SPON2: variants seen among roughly 807,000 people sequenced by gnomAD.
The protein encoded by SPON2 is spondin 2.
Under a neutral mutation model 29.9 loss-of-function variants are expected in SPON2, and 32 were observed. The observed-to-expected ratio is 1.07, with a 90% confidence interval of 0.81 to 1.44. SPON2 has a LOEUF of 1.44. Ranked by LOEUF, SPON2 falls within the 40% of genes most tolerant of loss-of-function variation. The pLI, the probability that SPON2 is intolerant of heterozygous loss-of-function variation, is 0.00. For synonymous variants in SPON2, 248 were observed against 209.1 expected (o/e 1.19, Z -1.61); for missense variants, 541 against 455.5 (o/e 1.19, Z -1.71).
At chr4:1,206,445 A>C (rs1728345414) in intron 1 of SPON2, among the ~76,000 whole-genome samples, 1 of 152,218 alleles carries the variant, frequency 6.6e-6, no homozygotes, top group South Asian at 2.1e-4. Context: ...GTGGGGCCAG[A>C]GGGCCACGCT....
intron 5 of SPON2, among the ~76,000 whole-genome samples, chr4:1,169,233 C>G (rs1401627820): frequency 6.6e-6 from 1 of 152,120 alleles, no homozygotes; most frequent in East Asian, 2.0e-4. Flanking sequence ...CCTCTGCCCA[C>G]GAGGGGCTCT....
In SPON2 at chr4:1,167,473, T is replaced by C; in HGVS notation, c.995A>G (p.Ter332=). Residue 332 remains the stop codon, a stop_retained_variant, in exon 6 of 6, where the codon TAA becomes TGA. Transcript: ENST00000290902. ...EAECVPDNCV[*] ...CCCAGGGGCTGCGGGGCTCTGGTCT[T>C]AGACGCAGTTATCAGGGACGCACTC... The C allele has an allele frequency of 2.5e-6, 4 of 1,612,694 alleles. No homozygotes were observed. Among genetic ancestry groups the C allele is most frequent in the South Asian group, 1.1e-5 (1 of 90,944 alleles).
intron 1 of SPON2, among the ~76,000 whole-genome samples, chr4:1,183,099 G>C (rs1417656607): frequency 6.6e-6 from 1 of 152,036 alleles, no homozygotes; most frequent in Non-Finnish European, 1.5e-5. Context: ...AAATTAGCTG[G>C]GTGTGGTGGT....
chr4:1,170,945 C>T, intron 4 of SPON2, 54 bp downstream of exon 4: 2 of 1,541,798 alleles, frequency 1.3e-6, no homozygotes, highest in Non-Finnish European at 1.8e-6. Context: ...GCCCCAGCCC[C>T]GTCCCCACCG....
chr4:1,206,706 C>T (rs557726276), intron 1 of SPON2, among the ~76,000 whole-genome samples: 24 of 152,272 alleles, frequency 1.6e-4, no homozygotes, highest in African/African-American at 5.5e-4. Context: ...GGTAGGGAAG[C>T]GGCCTTGCCC....
At position 1,202,059 on chromosome 4, in the gene SPON2, T is replaced by C. The variant is rs1445158756; in HGVS notation, c.-234+5821A>G. 6.6e-6 allele frequency among the ~76,000 whole-genome samples: 1 copy of C among 152,164 alleles called. No homozygotes were observed. The highest frequency in any genetic ancestry group is 3.2e-3 in the Middle Eastern group (1 of 316). On this transcript the variant is annotated intron_variant, in intron 1 of 3. Coordinates refer to the SPON2 transcript ENST00000509233. This position sits in a 1 kb window ranked among gnomAD's most constrained non-coding sequence, Gnocchi z 5.4. The stretch of plus-strand genomic sequence containing the variant: ...CCCACTCATCTCACTCCGGAACACG[T>C]TCATCATCCGCAGAAGACGTCCTGT...
intron 1 of SPON2, among the ~76,000 whole-genome samples, chr4:1,189,250 A>G (rs774069056): frequency 2.6e-5 from 4 of 152,112 alleles, no homozygotes; most frequent in Non-Finnish European, 5.9e-5. Flanking sequence ...TCAATAACCC[A>G]ACCTTCCACC....
At chr4:1,189,651 A>AG (rs946790511) in intron 1 of SPON2, among the ~76,000 whole-genome samples, 1 of 148,364 alleles carries the variant, frequency 6.7e-6, no homozygotes, top group African/African-American at 2.5e-5. Flanking sequence ...AAAAAAAAAA[A>AG]AAAAAAAGAA....
At chr4:1,201,031 G>T (rs1392066165) in intron 1 of SPON2, 1 of 455,478 alleles carries the variant, frequency 2.2e-6, no homozygotes. Flanking sequence ...CCTGGTCTGG[G>T]CTGAGGCTTC....
Position 1,202,826 on chromosome 4 carries a change from G to A in SPON2, c.-234+5054C>T, listed in dbSNP as rs545951227. 3.4e-4 allele frequency among the ~76,000 whole-genome samples: 52 copies of A among 152,290 alleles called. 1 individual carries two copies. The highest frequency in any genetic ancestry group is 1.1e-3 in the African/African-American group (46 of 41,560). On this transcript the variant is annotated intron_variant, in intron 1 of 3. Transcript: ENST00000509233. This position sits in a 1 kb window ranked among gnomAD's most constrained non-coding sequence, Gnocchi z 5.4. ...CCATCGCCTGCAGTGTCAGCGCCCC[G>A]TGGATGCCGTCAAGGCCCCCCGCAT... is the stretch of plus-strand genomic sequence containing the variant.
Position 1,167,491 on chromosome 4 carries a change from A to G in SPON2, c.977T>C (p.Val326Ala). The G allele has an allele frequency of 6.2e-7, 1 of 1,613,476 alleles. No individual in the cohort carries two copies. The highest frequency in any genetic ancestry group is 8.5e-7 in the Non-Finnish European group (1 of 1,179,854). ...CTGGTCTTAGACGCAGTTATCAGGGACGCACTCAGCCTCTTCTTCGAGCTC... is the reference window on the plus strand; with the variant it reads ...CTGGTCTTAGACGCAGTTATCAGGGGCGCACTCAGCCTCTTCTTCGAGCTC... ...CPELEEEAECVPDNCV is the reference protein window; with the variant it reads ...CPELEEEAECAPDNCV Residue 326 changes from valine (V) to alanine (A), a missense_variant, in exon 6 of 6, where the codon GTC (valine) becomes GCC (alanine). By Grantham distance (64) the Val-to-Ala change is moderately conservative (BLOSUM62 0). Coordinates refer to ENST00000290902, the MANE Select transcript of SPON2 (RefSeq NM_012445.4).
upstream of SPON2, among the ~76,000 whole-genome samples, chr4:1,174,504 AAAAAAAC>A (rs1395780696): frequency 1.8e-4 from 25 of 142,002 alleles, 1 homozygote; most frequent in South Asian, 2.2e-3. Context: ...AAAAAAAAAC[AAAAAAAC>A]AAAAAACAAA....
upstream of SPON2, among the ~76,000 whole-genome samples, chr4:1,176,839 G>C (rs1560204738): frequency 2.0e-5 from 3 of 147,632 alleles, no homozygotes; most frequent in Non-Finnish European, 4.5e-5. Flanking sequence ...CATTCACACA[G>C]TTCATTCACA....
chr4:1,203,711 C>T (rs1270683522), intron 1 of SPON2, among the ~76,000 whole-genome samples: 5 of 152,214 alleles, frequency 3.3e-5, no homozygotes, highest in African/African-American at 1.2e-4. Context: ...TCCGCCCTGA[C>T]ACCTATGATG....
At chr4:1,200,971 G>C (rs199854291) in intron 1 of SPON2, 1 of 456,766 alleles carries the variant, frequency 2.2e-6, no homozygotes, top group African/African-American at 2.0e-5. Context: ...CTGTACGCCA[G>C]GGCCTTCTAG....
At chr4:1,169,555 C>G (rs1055095815) in intron 5 of SPON2, among the ~76,000 whole-genome samples, 1 of 152,170 alleles carries the variant, frequency 6.6e-6, no homozygotes, top group Non-Finnish European at 1.5e-5. Context: ...TACTGCTGCT[C>G]CTCAAGACGA....
At chr4:1,176,574 A>G (rs1560204574), upstream of SPON2, among the ~76,000 whole-genome samples, 1 of 112,930 alleles carries the variant, frequency 8.9e-6, no homozygotes, top group South Asian at 2.6e-4. Flanking sequence ...TCATTCAAGC[A>G]TCCATTCACA....
intron 1 of SPON2, among the ~76,000 whole-genome samples, chr4:1,181,099 G>A (rs369338516): frequency 5.3e-5 from 8 of 152,276 alleles, no homozygotes; most frequent in African/African-American, 7.2e-5. Flanking sequence ...TTATCAAACC[G>A]TCAAAGCCAA....
chr4:1,177,254 C>T (rs1229061191), upstream of SPON2, among the ~76,000 whole-genome samples: 1 of 152,026 alleles, frequency 6.6e-6, no homozygotes, highest in Admixed American at 6.5e-5. Flanking sequence ...CCAGCAGGCA[C>T]CCCCTTGTCT....
Sources: gnomAD v4.1 joint callset for allele counts (sites outside exome capture counted in the v4.1 genomes callset) on GRCh38, gnomAD v4.1.1 for gene constraint, Gnocchi (gnomAD v3.1) non-coding constraint, MANE v1.5 for transcripts, NCBI Gene and HGNC (gene_info 2026-07-23, HGNC 2026-07-21) for gene names.